Variants in STMN2 observed in about 807,000 individuals in gnomAD.
STMN2 encodes stathmin 2.
In STMN2, 2 loss-of-function variants were observed where a neutral mutation model predicts 24.1. The ratio of observed to expected loss-of-function variants is 0.08; its 90% confidence interval spans 0.03 to 0.26. The LOEUF (loss-of-function observed/expected upper bound fraction) is 0.26, where lower values mean the gene tolerates loss of function less well. Among genes scored for constraint, STMN2 ranks in the 10% least tolerant of loss-of-function variants. The probability of loss-of-function intolerance (pLI) is 1.00; values close to 1 mark genes in which losing one functional copy is unlikely to be tolerated. For missense variants in STMN2, 114 were observed against 213.6 expected, an observed-to-expected ratio of 0.53 and a Z score of 2.91; for synonymous variants, 83 against 77.5, an observed-to-expected ratio of 1.07 and a Z score of -0.37.
chr8:79,623,411 T>G (rs756935033), intron 1 of STMN2, among the ~76,000 whole-genome samples: 2 of 152,228 alleles, frequency 1.3e-5, no homozygotes, highest in Non-Finnish European at 2.9e-5. Context: ...GGAGGATAAC[T>G]ACCAATACCA....
At chr8:79,618,679 G>C (rs1451089299) in intron 1 of STMN2, among the ~76,000 whole-genome samples, 3 of 152,140 alleles carry the variant, frequency 2.0e-5, no homozygotes, top group Non-Finnish European at 2.9e-5. Flanking sequence ...GACATTTGCA[G>C]TAGTAAAGCT....
chr8:79,639,535 A>G (rs1375627815), intron 2 of STMN2, among the ~76,000 whole-genome samples: 2 of 152,214 alleles, frequency 1.3e-5, no homozygotes, highest in Non-Finnish European at 2.9e-5. Context: ...GTAATTATAA[A>G]TGTCCTAGCA....
chr8:79,642,886 A>ATG (rs1253444710), intron 3 of STMN2, among the ~76,000 whole-genome samples: 1 of 148,972 alleles, frequency 6.7e-6, no homozygotes, highest in Non-Finnish European at 1.5e-5. Flanking sequence ...ATATATATAT[A>ATG]TGAATTTTTA....
chr8:79,644,443 G>A (rs1181972027), intron 3 of STMN2, among the ~76,000 whole-genome samples: 1 of 152,106 alleles, frequency 6.6e-6, no homozygotes, highest in South Asian at 2.1e-4. Flanking sequence ...CAAAAGTCCC[G>A]AAATTGAGTC....
At chr8:79,625,660 C>CA (rs1355875674) in intron 1 of STMN2, among the ~76,000 whole-genome samples, 5 of 152,156 alleles carry the variant, frequency 3.3e-5, no homozygotes, top group African/African-American at 1.2e-4. Flanking sequence ...AAAGGTCACC[C>CA]AAAGAATAAA....
At chr8:79,613,399 C>T (rs1809296095) in intron 1 of STMN2, 1 of 985,428 alleles carries the variant, frequency 1.0e-6, no homozygotes, top group Non-Finnish European at 1.2e-6. Context: ...GTTGGGCGCT[C>T]GCCCCCGCGG....
At chr8:79,662,213 A>G (rs1259126486) in intron 4 of STMN2, among the ~76,000 whole-genome samples, 1 of 152,154 alleles carries the variant, frequency 6.6e-6, no homozygotes, top group Non-Finnish European at 1.5e-5. Flanking sequence ...ACAATGCTAA[A>G]ATATTGTATT....
chr8:79,621,787 A>C (rs1418950625), intron 1 of STMN2, among the ~76,000 whole-genome samples: 2 of 152,198 alleles, frequency 1.3e-5, no homozygotes, highest in East Asian at 3.8e-4. Context: ...GATAAAACTC[A>C]GTACTTACTT....
At chr8:79,611,698 G>A in intron 1 of STMN2, 1 of 919,854 alleles carries the variant, frequency 1.1e-6, no homozygotes, top group African/African-American at 1.8e-5. Context: ...TGAAAGATGG[G>A]TGGAGACGGG....
chr8:79,619,615 T>C (rs1178875098), intron 1 of STMN2, among the ~76,000 whole-genome samples: 1 of 152,196 alleles, frequency 6.6e-6, no homozygotes, highest in Non-Finnish European at 1.5e-5. Flanking sequence ...TCTCAGGCAC[T>C]TTTAGGATAG....
intron 1 of STMN2, among the ~76,000 whole-genome samples, chr8:79,620,314 A>G (rs1191181050): frequency 6.6e-6 from 1 of 151,578 alleles, no homozygotes; most frequent in Non-Finnish European, 1.5e-5. Context: ...TTCATGCAAA[A>G]TAAGGTTTAG....
rs985671505 is a variant in STMN2, at chr8:79,664,757, C to T, written c.481-58C>T. On this transcript the variant is annotated intron_variant, in intron 4 of 4. Coordinates refer to ENST00000220876, the MANE Select transcript of STMN2 (RefSeq NM_007029.4). ...GTTACTTCTAGTCAAGCGCATGGTA[C>T]GCAAAGGACCAGACAAAAAGGGCCT... is the stretch of plus-strand genomic sequence containing the variant. 3.9e-5 allele frequency: 62 copies of T among 1,570,440 alleles called. No homozygotes were observed. The South Asian group carries it at 4.2e-4, about 11-fold the overall frequency.
intron 3 of STMN2, 94 bp downstream of exon 3, chr8:79,641,644 A>G (rs965967582): frequency 4.5e-5 from 32 of 710,616 alleles, no homozygotes; most frequent in African/African-American, 3.7e-4. Context: ...ACACACACAC[A>G]CACACACACA....
intron 2 of STMN2, 60 bp downstream of exon 2, chr8:79,636,957 T>G: frequency 6.7e-7 from 1 of 1,495,054 alleles, no homozygotes; most frequent in South Asian, 1.2e-5. Context: ...GGTTGACATA[T>G]ATTTGTTTCT....
chr8:79,651,124 A>T (rs2130378700), intron 3 of STMN2, among the ~76,000 whole-genome samples: 2 of 152,356 alleles, frequency 1.3e-5, no homozygotes, highest in African/African-American at 4.8e-5. Flanking sequence ...GTGTGAGTTA[A>T]TAGTGGATAT....
At chr8:79,638,528 C>T (rs2947536) in intron 2 of STMN2, among the ~76,000 whole-genome samples, 376 of 152,236 alleles carry the variant, frequency 2.5e-3, no homozygotes, top group Non-Finnish European at 3.9e-3. Flanking sequence ...TTAACTTGAC[C>T]TGGTATTTCT....
intron 3 of STMN2, among the ~76,000 whole-genome samples, chr8:79,650,588 T>C (rs535657390): frequency 6.0e-4 from 92 of 152,322 alleles, no homozygotes; most frequent in Non-Finnish European, 1.1e-3. Flanking sequence ...AAGATTAAAC[T>C]ATGTTCATGT....
At chr8:79,622,419 A>G (rs1338203132) in intron 1 of STMN2, among the ~76,000 whole-genome samples, 3 of 152,202 alleles carry the variant, frequency 2.0e-5, no homozygotes, top group South Asian at 4.1e-4. Flanking sequence ...TTACAAATCT[A>G]CTAGAAATTA....
At chr8:79,621,790 A>G (rs531206864) in intron 1 of STMN2, among the ~76,000 whole-genome samples, 6 of 152,216 alleles carry the variant, frequency 3.9e-5, no homozygotes, top group Non-Finnish European at 8.8e-5. Flanking sequence ...AAAACTCAGT[A>G]CTTACTTTGC....
Sources: gnomAD v4.1 joint callset for allele counts (sites outside exome capture counted in the v4.1 genomes callset) on GRCh38, gnomAD v4.1.1 for gene constraint, MANE v1.5 for transcripts, NCBI Gene and HGNC (gene_info 2026-07-23, HGNC 2026-07-21) for gene names.